The following IGSF9B variants were observed in gnomAD, a reference collection of about 807,000 sequenced individuals.
IGSF9B encodes the protein protein turtle homolog B.
IGSF9B carries 48 observed loss-of-function variants against 143.7 expected under a neutral mutation model. The ratio of observed to expected loss-of-function variants is 0.33; its 90% CI spans 0.26 to 0.42. The LOEUF (loss-of-function observed/expected upper bound fraction) is 0.42, where lower values mean the gene tolerates loss of function less well. Among genes scored for constraint, IGSF9B ranks in the 20% least tolerant of loss-of-function variants. The pLI is 1.00. For synonymous variants in IGSF9B, 903 were observed against 833.1 expected (o/e 1.08, Z -1.44); for missense variants, 1,706 against 1,980.0 (o/e 0.86, Z 2.63).
chr11:133,933,585 A>G (rs1939771863), intron 7 of IGSF9B, among the ~76,000 whole-genome samples: 1 of 152,186 alleles, frequency 6.6e-6, no homozygotes, highest in Non-Finnish European at 1.5e-5. Context: ...AACTCTACCA[A>G]AAACATCTTT....
rs895530076 is a variant in IGSF9B at position 133,908,929 on chromosome 11, C to A, written c.*140G>T. On this transcript the variant is annotated 3_prime_UTR_variant, in exon 20 of 20. Coordinates refer to ENST00000533871, the MANE Select transcript of IGSF9B (RefSeq NM_001277285.4). ...GCGGCCAGGATCTGGAGGGAGACAC[C>A]CGCTCTGGCAAAAGAGGGGGCATGC... The A allele has an allele frequency of 7.0e-6, 5 of 714,554 alleles. No homozygotes were observed. The highest frequency in any genetic ancestry group is 1.1e-5 in the Non-Finnish European group (5 of 435,242). 44.3% of individuals were successfully genotyped at this position (714,554 alleles called of 1,614,324 possible).
chr11:133,919,270 G>T (rs1391994387), intron 18 of IGSF9B, among the ~76,000 whole-genome samples: 3 of 152,154 alleles, frequency 2.0e-5, no homozygotes, highest in Admixed American at 2.0e-4. Context: ...CCCTGGCCTG[G>T]TGGTCTGGAG....
chr11:133,915,052 C>T (rs1939355866), intron 18 of IGSF9B, among the ~76,000 whole-genome samples: 1 of 152,102 alleles, frequency 6.6e-6, no homozygotes, highest in African/African-American at 2.4e-5. Flanking sequence ...CCCCAGAAGC[C>T]AGTCCTGGGC....
At chr11:133,929,981 G>A (rs1327932178) in intron 11 of IGSF9B, among the ~76,000 whole-genome samples, 199 bp from the exon 12 acceptor site, 1 of 152,186 alleles carries the variant, frequency 6.6e-6, no homozygotes, top group African/African-American at 2.4e-5. Context: ...GTTGGAGCAG[G>A]AAGCCTGTCC....
At chr11:133,954,549 C>T (rs979023503) in intron 1 of IGSF9B, among the ~76,000 whole-genome samples, 8 of 152,194 alleles carry the variant, frequency 5.3e-5, no homozygotes, top group African/African-American at 1.9e-4. Context: ...TTACTGAGCA[C>T]GTACTATATA....
At position 133,907,548 on chromosome 11, in the gene IGSF9B, T is replaced by G. The variant is rs1384112740; in HGVS notation, c.*1521A>C. Among the ~76,000 whole-genome samples, 33 of 152,096 alleles carry G rather than the reference T, an allele frequency of 2.2e-4. 1 individual carries two copies. The highest frequency in any genetic ancestry group is 2.0e-3 in the Admixed American group (31 of 15,280). On this transcript the variant is annotated 3_prime_UTR_variant, in exon 20 of 20. Coordinates refer to ENST00000533871, the MANE Select transcript of IGSF9B (RefSeq NM_001277285.4). The stretch of plus-strand genomic sequence containing the variant: ...CACAAGAGTGGGGGAGGGGCAGATC[T>G]CCCCTCCACCCCGCCCTCGGGGCCT...
chr11:133,942,103 C>T (rs560736870), intron 3 of IGSF9B, among the ~76,000 whole-genome samples: 37 of 152,326 alleles, frequency 2.4e-4, no homozygotes, highest in African/African-American at 8.9e-4. Flanking sequence ...AAGTCCTCTA[C>T]ACCTTCCGGC....
At chr11:133,912,472 G>T in intron 18 of IGSF9B, 1 of 417,498 alleles carries the variant, frequency 2.4e-6, no homozygotes, top group Non-Finnish European at 4.8e-6. Flanking sequence ...CCAGAAAAGG[G>T]GGTGCTAAGT....
intron 19 of IGSF9B, among the ~76,000 whole-genome samples, chr11:133,910,428 T>C (rs1338620576): frequency 6.6e-6 from 1 of 152,132 alleles, no homozygotes; most frequent in Admixed American, 6.6e-5. Context: ...ATTCAGGATA[T>C]GTTGCAAAGG....
chr11:133,943,197 G>A (rs988475287), intron 3 of IGSF9B, among the ~76,000 whole-genome samples: 2 of 152,216 alleles, frequency 1.3e-5, no homozygotes, highest in African/African-American at 4.8e-5. Flanking sequence ...CACCCACGCT[G>A]TTGAAGCCTC....
Position 133,931,128 on chromosome 11 carries a change from T to C in IGSF9B, c.1375A>G (p.Lys459Glu). The change falls in exon 11 of 20, where the codon AAG becomes GAG. Residue 459 changes from lysine (K) to glutamate (E), a missense_variant. Transcript: ENST00000533871. The surrounding 1 kb of genome is among the most constrained non-coding windows in gnomAD (Gnocchi z 7.7). ...GCACTGTGCTTGCTTCTGCTGGGCT[T>C]CCCTACCTTGGTGAACAAGGGGCAG... ...FPVITWRKVG[K>E]PSRSKHSALP... 1 of 1,612,036 alleles carries C rather than the reference T, an allele frequency of 6.2e-7. No individual in the cohort carries two copies. Among genetic ancestry groups the C allele is most frequent in the Non-Finnish European group, 8.5e-7 (1 of 1,178,892 alleles).
rs1939228307 is a variant in IGSF9B at position 133,907,594 on chromosome 11, C to T, written c.*1475G>A. ...GGCCTTCTGCCCTGCCCTTGGGCAGCACCATATCTTACCGGCAGAGAGACA... is the reference window on the plus strand; with the variant it reads ...GGCCTTCTGCCCTGCCCTTGGGCAGTACCATATCTTACCGGCAGAGAGACA... On this transcript the variant is annotated 3_prime_UTR_variant, in exon 20 of 20. Coordinates refer to ENST00000533871, the MANE Select transcript of IGSF9B (RefSeq NM_001277285.4). 6.6e-6 allele frequency among the ~76,000 whole-genome samples: 1 copy of T among 152,266 alleles called. No individual in the cohort carries two copies. The highest frequency in any genetic ancestry group is 1.5e-5 in the Non-Finnish European group (1 of 68,054).
Position 133,920,749 on chromosome 11 carries a change from C to T in IGSF9B, c.2976G>A (p.Leu992=), listed in dbSNP as rs1387757239. The change falls in exon 18 of 20, where the codon CTG becomes CTA. Residue 992 remains leucine, a synonymous_variant. Coordinates refer to ENST00000533871, the MANE Select transcript of IGSF9B (RefSeq NM_001277285.4). The part of the protein sequence containing the change: ...PFYVPEVGSP[L]SSVMSSPPLP... ...GGGGCGGGGACGACATGACGGAGCT[C>T]AGGGGGCTGCCCACTTCTGGCACGT... The T allele has an allele frequency of 9.3e-6, 15 of 1,612,728 alleles. No individual in the cohort carries two copies. The East Asian group carries it at 3.1e-4, about 34-fold the overall frequency.
In IGSF9B at chr11:133,920,890, A is replaced by G. The variant is rs1215254349; in HGVS notation, c.2835T>C (p.Gly945=). The G allele has an allele frequency of 1.2e-6, 2 of 1,607,174 alleles. No homozygotes were observed. Among genetic ancestry groups the G allele is most frequent in the East Asian group, 2.2e-5 (1 of 44,690 alleles). ...GGGCCTGGCCTGTGGCCTGAAGCCG[A>G]CCTTCCAGGCCACCGGGGCCCTCCA... ...RGLEGPGGLE[G]RLQATGQARP... Residue 945 remains glycine, a synonymous_variant, in exon 18 of 20, where the codon GGT becomes GGC. Coordinates refer to ENST00000533871, the MANE Select transcript of IGSF9B (RefSeq NM_001277285.4).
intron 5 of IGSF9B, 143 bp downstream of exon 5, chr11:133,937,233 C>G (rs985716101): frequency 1.7e-5 from 10 of 596,072 alleles, no homozygotes; most frequent in Non-Finnish European, 2.9e-5. Flanking sequence ...AGGCAGCACA[C>G]AGGAGCCCCG....
intron 12 of IGSF9B, among the ~76,000 whole-genome samples, chr11:133,929,238 GT>G (rs768114754): frequency 2.3e-4 from 35 of 152,084 alleles, no homozygotes; most frequent in Non-Finnish European, 4.3e-4. Context: ...ACCTACAAAC[GT>G]ATGTACCATG....
chr11:133,918,942 G>A, intron 18 of IGSF9B: 1 of 464,830 alleles, frequency 2.2e-6, no homozygotes, highest in South Asian at 1.5e-5. Flanking sequence ...AAGGAAGGAG[G>A]GGCAGGGGGA....
At position 133,931,195 on chromosome 11, in the gene IGSF9B, C is replaced by G; in HGVS notation, c.1369-61G>C. On this transcript the variant is annotated intron_variant, in intron 10 of 19. Transcript: ENST00000533871. The surrounding 1 kb of genome is among the most constrained non-coding windows in gnomAD (Gnocchi z 7.7). The stretch of plus-strand genomic sequence containing the variant: ...AGAAATGGGGGTTAGGAGAGAAGCC[C>G]GAAGCAGATGGGGAGGACGCGCCTG... 6.5e-7 allele frequency: 1 copy of G among 1,533,612 alleles called. No homozygotes were observed. Among genetic ancestry groups the G allele is most frequent in the Non-Finnish European group, 8.9e-7 (1 of 1,125,850 alleles).
In IGSF9B at chr11:133,902,527, CCACA is replaced by C. The variant is rs1208035154; in HGVS notation, c.*6538_*6541del. On this transcript the variant is annotated 3_prime_UTR_variant, in exon 20 of 20. Coordinates refer to ENST00000533871, the MANE Select transcript of IGSF9B (RefSeq NM_001277285.4). ...TGCACACCACACACAGACATGCACA[CCACA>C]CACATATACCACACACACCACATAC... Among the ~76,000 whole-genome samples, 1 of 133,516 alleles carries C rather than the reference CCACA, an allele frequency of 7.5e-6. No homozygotes were observed. The highest frequency in any genetic ancestry group is 2.3e-4 in the East Asian group (1 of 4,304). The allele number at this position is 133,516 out of a possible 152,430, so 87.6% of individuals were successfully genotyped here. A position where few individuals can be genotyped will look rare whatever the true frequency, so the allele number is the denominator to read the frequency against.
Sources: allele counts gnomAD v4.1 joint callset (sites outside exome capture counted in the v4.1 genomes callset), GRCh38; gene constraint gnomAD v4.1.1; non-coding constraint Gnocchi (gnomAD v3.1); transcripts MANE v1.5; gene names NCBI Gene and HGNC (gene_info 2026-07-23, HGNC 2026-07-21).